Variants in IARS1 observed in about 807,000 individuals in gnomAD.
IARS1 encodes isoleucine--tRNA ligase, cytoplasmic.
Under a neutral mutation model 168.2 loss-of-function variants are expected in IARS1, and 124 were observed. The ratio of observed to expected loss-of-function variants is 0.74; its 90% CI spans 0.64 to 0.86. IARS1 has a LOEUF of 0.86. IARS1 is among the 40% of genes least tolerant of loss of function. The pLI, the probability that IARS1 is intolerant of heterozygous loss-of-function variation, is 0.00. For missense variants in IARS1, 1,452 were observed against 1,515.8 expected, an observed-to-expected ratio of 0.96 and a Z score of 0.70; for synonymous variants, 532 against 529.4, an observed-to-expected ratio of 1.00 and a Z score of -0.07.
chr9:92,253,508 G>A (rs1244844023), intron 20 of IARS1, 55 bp from the exon 21 acceptor site: 3 of 1,147,988 alleles, frequency 2.6e-6, no homozygotes, highest in South Asian at 1.2e-5. Context: ...CATCTGGGGT[G>A]GGGAGAGGGT....
intron 30 of IARS1, among the ~76,000 whole-genome samples, chr9:92,230,451 T>C (rs1413445854): frequency 1.3e-5 from 2 of 152,214 alleles, no homozygotes; most frequent in Admixed American, 6.5e-5. Flanking sequence ...AATAAGTTAC[T>C]GTGCTGATAG....
chr9:92,269,829 A>C, intron 13 of IARS1, 56 bp downstream of exon 13: 1 of 1,184,322 alleles, frequency 8.4e-7, no homozygotes, highest in East Asian at 2.3e-5. Flanking sequence ...AGTGTAAACC[A>C]TACTTACTAA....
In IARS1 at chr9:92,259,018, T is replaced by C. The variant is rs1309173484; in HGVS notation, c.1872-20A>G. On this transcript the variant is annotated intron_variant, in intron 18 of 33. Coordinates refer to ENST00000443024, the MANE Select transcript of IARS1 (RefSeq NM_002161.6). ...TATAATCTGGAAGAGGGAGAAAAAT[T>C]AGACAGAAAAGGTACTTAGACAGTA... The C allele has an allele frequency of 6.3e-7, 1 of 1,582,070 alleles. No individual in the cohort carries two copies. Among genetic ancestry groups the C allele is most frequent in the East Asian group, 2.2e-5 (1 of 44,620 alleles).
intron 14 of IARS1, among the ~76,000 whole-genome samples, chr9:92,265,990 T>C (rs2133834155): frequency 6.6e-6 from 1 of 152,164 alleles, no homozygotes; most frequent in South Asian, 2.1e-4. Flanking sequence ...AACACACCAA[T>C]CTGGGCCGAA....
rs1040654694 is a variant in IARS1 at position 92,252,943 on chromosome 9, C to T, written c.2229+419G>A. Among the ~76,000 whole-genome samples, 46 of 152,052 alleles carry T rather than the reference C, an allele frequency of 3.0e-4. 2 individuals are homozygous for T. The highest frequency in any genetic ancestry group is 1.2e-3 in the Admixed American group (18 of 15,260). Reference sequence around the variant, plus strand: ...TCTGCTCATCCTAAACCCCCAACAGCTACAGAGGAGTTCTGTCCACAGTAA... The same window carrying T: ...TCTGCTCATCCTAAACCCCCAACAGTTACAGAGGAGTTCTGTCCACAGTAA... On this transcript the variant is annotated intron_variant, in intron 21 of 33. Coordinates refer to ENST00000443024, the MANE Select transcript of IARS1 (RefSeq NM_002161.6).
chr9:92,230,924 A>G (rs1826573619), intron 30 of IARS1, among the ~76,000 whole-genome samples: 1 of 151,950 alleles, frequency 6.6e-6, no homozygotes, highest in African/African-American at 2.4e-5. Context: ...TCTCTACCCC[A>G]TTTTCTAACT....
At chr9:92,268,680 A>AG (rs1281689851) in intron 13 of IARS1, among the ~76,000 whole-genome samples, 1 of 152,234 alleles carries the variant, frequency 6.6e-6, no homozygotes, top group Non-Finnish European at 1.5e-5. Flanking sequence ...CCAACAGGCC[A>AG]GGGGATTGGT....
chr9:92,292,171 C>CCACACTCA (rs147688100), intron 1 of IARS1, among the ~76,000 whole-genome samples: 4,428 of 140,128 alleles, frequency 0.032, 109 homozygotes, highest in South Asian at 0.076. Flanking sequence ...GTGTGCACCA[C>CCACACTCA]CACACTCAGC....
At chr9:92,270,666 C>T (rs1361921289) in intron 12 of IARS1, among the ~76,000 whole-genome samples, 6 of 152,036 alleles carry the variant, frequency 3.9e-5, no homozygotes, top group Non-Finnish European at 5.9e-5. Flanking sequence ...GTGATGGCAC[C>T]ACCTACATAG....
intron 10 of IARS1, among the ~76,000 whole-genome samples, chr9:92,272,590 C>T (rs1415664387): frequency 6.6e-6 from 1 of 152,220 alleles, no homozygotes; most frequent in African/African-American, 2.4e-5. Flanking sequence ...TGGCTCACGC[C>T]TGTAACCCCA....
chr9:92,242,852 C>T lies in IARS1; in HGVS notation c.3000+364G>A, dbSNP rs1286115655. On this transcript the variant is annotated intron_variant, in intron 28 of 33. Transcript: ENST00000443024. ...AAAACTACCCAACTCTGTCCAAATC[C>T]GGGAATCTCCCCTAAGCTAGAAGCC... 8 of 225,670 alleles carry T rather than the reference C, an allele frequency of 3.5e-5. No homozygotes were observed. In the East Asian group the frequency reaches 8.0e-4, roughly 23 times the overall value. The allele number at this position is 225,670 out of a possible 1,614,324, so 14.0% of individuals were successfully genotyped here.
intron 33 of IARS1, among the ~76,000 whole-genome samples, chr9:92,216,582 A>G (rs2133345062): frequency 7.6e-6 from 1 of 131,474 alleles, no homozygotes; most frequent in Middle Eastern, 3.6e-3. Flanking sequence ...AGGAAGATCT[A>G]CCAAGCAAAT....
In IARS1 at chr9:92,268,155, A is replaced by C. The variant is rs781672813; in HGVS notation, c.1431+19T>G. On this transcript the variant is annotated intron_variant, in intron 14 of 33. Coordinates refer to ENST00000443024, the MANE Select transcript of IARS1 (RefSeq NM_002161.6). ...TGCTTTAGCAAAAATCAACACAAGG[A>C]AATACTGCCATGCCTCACCTCCTCA... is the stretch of plus-strand genomic sequence containing the variant. 4 of 1,553,388 alleles carry C rather than the reference A, an allele frequency of 2.6e-6. No individual in the cohort carries two copies. The highest frequency in any genetic ancestry group is 3.5e-6 in the Non-Finnish European group (4 of 1,156,066).
chr9:92,236,220 G>T (rs1453589798), intron 30 of IARS1, among the ~76,000 whole-genome samples: 1 of 152,100 alleles, frequency 6.6e-6, no homozygotes, highest in African/African-American at 2.4e-5. Context: ...CTGACCTCAG[G>T]TGACCCACCC....
rs558342421 is a variant in IARS1, at chr9:92,235,513, A to ATT, written c.3283+5341_3283+5342dup. ...GTCTGACAATACGATAATTACATTG[A>ATT]TTTTTTTTTTTTTTTTTTTTTTGAG... On this transcript the variant is annotated intron_variant, in intron 30 of 33. Transcript: ENST00000443024. Among the ~76,000 whole-genome samples, 330 of 114,152 alleles carry ATT rather than the reference A, an allele frequency of 2.9e-3. 4 individuals carry two copies. Among genetic ancestry groups the ATT allele is most frequent in the African/African-American group, 7.2e-3 (202 of 28,122 alleles). 74.9% of individuals were successfully genotyped at this position (114,152 alleles called of 152,430 possible).
chr9:92,239,325 T>C (rs962639100), intron 30 of IARS1, among the ~76,000 whole-genome samples: 3 of 152,248 alleles, frequency 2.0e-5, no homozygotes, highest in African/African-American at 7.2e-5. Flanking sequence ...TATGGAATTC[T>C]TGGTAGACAA....
intron 26 of IARS1, among the ~76,000 whole-genome samples, chr9:92,246,249 T>C (rs1242175894): frequency 6.6e-6 from 1 of 152,194 alleles, no homozygotes; most frequent in African/African-American, 2.4e-5. Context: ...ATTTGGAGAA[T>C]CTTAGGGACA....
At chr9:92,245,723 G>A (rs1275368533) in intron 26 of IARS1, among the ~76,000 whole-genome samples, 4 of 151,874 alleles carry the variant, frequency 2.6e-5, no homozygotes, top group East Asian at 1.9e-4. Flanking sequence ...AGAACAGTAC[G>A]CTCAGAAACT....
chr9:92,230,267 C>T (rs964560793), intron 30 of IARS1, among the ~76,000 whole-genome samples: 9 of 152,072 alleles, frequency 5.9e-5, no homozygotes, highest in African/African-American at 1.4e-4. Context: ...CCCACAACCA[C>T]GCCTGGCTAA....
Sources: gnomAD v4.1 joint callset for allele counts (sites outside exome capture counted in the v4.1 genomes callset) on GRCh38, gnomAD v4.1.1 for gene constraint, MANE v1.5 for transcripts, NCBI Gene and HGNC (gene_info 2026-07-23, HGNC 2026-07-21) for gene names.